CNTLN: variants seen among roughly 807,000 people sequenced by gnomAD.
CNTLN encodes the protein centlein, centrosomal protein.
Under a neutral mutation model 180.0 loss-of-function variants are expected in CNTLN, and 212 were observed. The ratio of observed to expected loss-of-function variants is 1.18; its 90% CI spans 1.05 to 1.32. The LOEUF (loss-of-function observed/expected upper bound fraction) is 1.32. Ranked by LOEUF, CNTLN falls within the 40% of genes most tolerant of loss-of-function variation. The pLI, the probability that CNTLN is intolerant of heterozygous loss-of-function variation, is 0.00. For missense variants in CNTLN, 2,095 were observed against 1,610.9 expected, an observed-to-expected ratio of 1.30 and a Z score of -5.14; for synonymous variants, 722 against 563.1, an observed-to-expected ratio of 1.28 and a Z score of -3.99.
chr9:17,509,683 T>A, the CNTLN span, among the ~76,000 whole-genome samples: 1 of 152,128 alleles, frequency 6.6e-6, no homozygotes, highest in African/African-American at 2.4e-5. Flanking sequence ...TATGGTGCCA[T>A]TTCTCCCATA....
At chr9:17,526,035 A>T in the CNTLN span, among the ~76,000 whole-genome samples, 1 of 152,064 alleles carries the variant, frequency 6.6e-6, no homozygotes, top group Non-Finnish European at 1.5e-5. Context: ...TCCCGGGTTC[A>T]CGCCATTCTC....
At chr9:17,279,108 A>G (rs992088507) in intron 6 of CNTLN, among the ~76,000 whole-genome samples, 3 of 152,196 alleles carry the variant, frequency 2.0e-5, no homozygotes, top group African/African-American at 7.2e-5. Context: ...TTTTTAAACT[A>G]CATTTCATCT....
rs549032167 is a variant in CNTLN, at chr9:17,319,804, T to C, written c.1341+10552T>C. ...TAGTAAATTGAGATTTTTTTTTTCT[T>C]ATATTGGTGGGGATTTATCTTTCCT... is the stretch of plus-strand genomic sequence containing the variant. On this transcript the variant is annotated intron_variant, in intron 8 of 25. Coordinates refer to ENST00000380647, the MANE Select transcript of CNTLN (RefSeq NM_017738.4). Among the ~76,000 whole-genome samples, 41 of 152,272 alleles carry C rather than the reference T, an allele frequency of 2.7e-4. 1 individual carries two copies. The highest frequency in any genetic ancestry group is 9.6e-4 in the African/African-American group (40 of 41,560).
chr9:17,259,594 C>G (rs1191965130), intron 5 of CNTLN, among the ~76,000 whole-genome samples: 2 of 150,874 alleles, frequency 1.3e-5, no homozygotes, highest in Middle Eastern at 3.4e-3. Context: ...GGCTGTGAAT[C>G]CATCTGGTCC....
chr9:17,497,966 C>A (rs548363607), intron 25 of CNTLN, among the ~76,000 whole-genome samples: 2 of 152,006 alleles, frequency 1.3e-5, no homozygotes, highest in Non-Finnish European at 2.9e-5. Flanking sequence ...TCGTATCTTA[C>A]TAAGGTCTCA....
chr9:17,367,639 A>G lies in CNTLN; in HGVS notation c.1987+922A>G, dbSNP rs138450425. On this transcript the variant is annotated intron_variant, in intron 13 of 25. Coordinates refer to ENST00000380647, the MANE Select transcript of CNTLN (RefSeq NM_017738.4). ...AAGATCAAATAGGTCTTTGTCTTGC[A>G]TCTTGGACAGCAGCTCAGCCACAAT... Among the ~76,000 whole-genome samples the G allele has an allele frequency of 2.9e-3, 434 of 152,224 alleles. 4 individuals are homozygous for G. Among genetic ancestry groups the G allele is most frequent in the African/African-American group, 9.9e-3 (410 of 41,550 alleles).
intron 12 of CNTLN, among the ~76,000 whole-genome samples, chr9:17,353,920 A>G (rs7868684): frequency 0.6 from 90,915 of 152,004 alleles, 27,460 homozygotes; most frequent in East Asian, 0.73. Flanking sequence ...CCCTCAGCTT[A>G]CAGGGAGGTG....
At chr9:17,432,085 G>C (rs1432221568) in intron 18 of CNTLN, among the ~76,000 whole-genome samples, 5 of 152,080 alleles carry the variant, frequency 3.3e-5, no homozygotes, top group Admixed American at 1.3e-4. Flanking sequence ...ATCAATGTGA[G>C]AGACCCAGTA....
intron 3 of CNTLN, among the ~76,000 whole-genome samples, chr9:17,234,947 A>T (rs112748949): frequency 7.2e-5 from 11 of 152,262 alleles, no homozygotes; most frequent in African/African-American, 2.4e-4. Flanking sequence ...GAAATATGAG[A>T]TTGGTGATTG....
rs1462416845 is a variant in CNTLN at position 17,416,184 on chromosome 9, A to G, written c.3109A>G (p.Ile1037Val). 3 of 1,611,120 alleles carry G rather than the reference A, an allele frequency of 1.9e-6. No homozygotes were observed. The highest frequency in any genetic ancestry group is 2.2e-5 in the East Asian group (1 of 44,780). Residue 1037 changes from isoleucine (I) to valine (V), a missense_variant, in exon 18 of 26, where the codon ATA becomes GTA. Transcript: ENST00000380647. ...ACGATTTCAGACAAGCAGGCAGACA[A>G]TAAAGGTAAAGAGAACTTTAAGATT... ...DQRFQTSRQTIKKLNLDLAGL... is the reference protein window; with the variant it reads ...DQRFQTSRQTVKKLNLDLAGL...
At chr9:17,453,026 TG>T (rs943682474) in intron 18 of CNTLN, among the ~76,000 whole-genome samples, 2 of 151,366 alleles carry the variant, frequency 1.3e-5, no homozygotes, top group African/African-American at 4.9e-5. Context: ...AAAAAGAAAA[TG>T]GGGGTCAAGC....
intron 6 of CNTLN, among the ~76,000 whole-genome samples, chr9:17,287,633 G>T (rs7029478): frequency 0.2 from 28,707 of 147,154 alleles, 3,471 homozygotes; most frequent in African/African-American, 0.34. Flanking sequence ...AATCCATCTG[G>T]TCCTGGACTC....
At chr9:17,430,227 A>G (rs1055477416) in intron 18 of CNTLN, among the ~76,000 whole-genome samples, 1 of 151,974 alleles carries the variant, frequency 6.6e-6, no homozygotes, top group Non-Finnish European at 1.5e-5. Context: ...ACTCTTTCCA[A>G]GAATCATATT....
intron 5 of CNTLN, among the ~76,000 whole-genome samples, chr9:17,259,533 T>C (rs996310539): frequency 4.0e-5 from 6 of 150,242 alleles, no homozygotes; most frequent in African/African-American, 7.5e-5. Context: ...TTGATTGGAA[T>C]AGTTTCAGAA....
intron 18 of CNTLN, among the ~76,000 whole-genome samples, chr9:17,439,463 AG>A (rs1829981466): frequency 6.6e-6 from 1 of 152,214 alleles, no homozygotes; most frequent in South Asian, 2.1e-4. Context: ...AATGGGTCAA[AG>A]AAGAAAACAA....
chr9:17,164,563 C>T (rs1025540562), intron 2 of CNTLN, among the ~76,000 whole-genome samples: 1 of 134,510 alleles, frequency 7.4e-6, no homozygotes, highest in Admixed American at 8.9e-5. Flanking sequence ...CTCCCTGGTT[C>T]GGCCTCCCGA....
intron 18 of CNTLN, among the ~76,000 whole-genome samples, chr9:17,437,534 G>C (rs1436619631): frequency 6.6e-6 from 1 of 152,030 alleles, no homozygotes; most frequent in Non-Finnish European, 1.5e-5. Flanking sequence ...AATGTTTCAG[G>C]AAGTGAAAAA....
chr9:17,455,154 G>A (rs1831039509), intron 18 of CNTLN, among the ~76,000 whole-genome samples: 1 of 152,146 alleles, frequency 6.6e-6, no homozygotes, highest in African/African-American at 2.4e-5. Context: ...TAGTAATAGA[G>A]CTCCAGTTAT....
chr9:17,261,659 T>A (rs1322050517), intron 5 of CNTLN, among the ~76,000 whole-genome samples: 2 of 151,432 alleles, frequency 1.3e-5, no homozygotes, highest in Non-Finnish European at 2.9e-5. Context: ...ATGTCATTTA[T>A]TTTTTTCTCT....
Sources: gnomAD v4.1 joint callset for allele counts (sites outside exome capture counted in the v4.1 genomes callset) on GRCh38, gnomAD v4.1.1 for gene constraint, MANE v1.5 for transcripts, NCBI Gene and HGNC (gene_info 2026-07-23, HGNC 2026-07-21) for gene names.